The following APOO variants were observed in gnomAD, a reference collection of about 807,000 sequenced individuals.
The protein encoded by APOO is MICOS complex subunit MIC26.
Under a neutral mutation model 23.1 loss-of-function variants are expected in APOO, and 11 were observed. The observed-to-expected ratio is 0.48, with a 90% CI of 0.30 to 0.79. APOO has a LOEUF of 0.79. Ranked by LOEUF, APOO falls within the 30% of genes least tolerant of loss-of-function variation. The pLI, the probability that APOO is intolerant of heterozygous loss-of-function variation, is 0.07. For synonymous variants in APOO, 59 were observed against 54.8 expected (o/e 1.08, Z -0.34); for missense variants, 160 against 142.7 (o/e 1.12, Z -0.62).
chrX:23,859,331 A>G (rs751968527), intron 5 of APOO, among the ~76,000 whole-genome samples: 5 of 111,657 alleles, frequency 4.5e-5, no homozygotes, highest in Non-Finnish European at 9.4e-5. Flanking sequence ...GAGCTTTTTC[A>G]TAATCACTAA....
intron 3 of APOO, among the ~76,000 whole-genome samples, chrX:23,876,996 G>A (rs1003256861): frequency 4.8e-4 from 54 of 111,990 alleles, no homozygotes; most frequent in African/African-American, 1.4e-3. Flanking sequence ...TTTAGTAGTA[G>A]TGGAAATAAA....
chrX:23,837,516 A>G (rs1040811090), intron 8 of APOO, among the ~76,000 whole-genome samples: 3 of 110,495 alleles, frequency 2.7e-5, no homozygotes, highest in African/African-American at 9.8e-5. Flanking sequence ...CAGTAAAAAG[A>G]AAGTTTTCTG....
intron 7 of APOO, among the ~76,000 whole-genome samples, chrX:23,855,911 T>G (rs984092888): frequency 4.5e-5 from 5 of 111,729 alleles, no homozygotes; most frequent in Non-Finnish European, 9.4e-5. Context: ...TCATGATAAG[T>G]GAAAAACCAA....
chrX:23,835,513 G>T (rs1923620190), intron 8 of APOO, among the ~76,000 whole-genome samples: 1 of 111,849 alleles, frequency 8.9e-6, no homozygotes, highest in Non-Finnish European at 1.9e-5. Context: ...GAATTTGATA[G>T]ATTTATTGCA....
chrX:23,884,594 T>C (rs1306010518), intron 1 of APOO, among the ~76,000 whole-genome samples: 1 of 111,743 alleles, frequency 8.9e-6, no homozygotes, highest in African/African-American at 3.2e-5. Context: ...CTAAAAAGGT[T>C]GAACTAATGG....
chrX:23,868,475 A>G (rs1175001666), intron 5 of APOO, 118 bp downstream of exon 5: 4 of 491,443 alleles, frequency 8.1e-6, no homozygotes, highest in African/African-American at 7.2e-5. Flanking sequence ...ACATTAAGAA[A>G]GCCGTATTTA....
intron 4 of APOO, among the ~76,000 whole-genome samples, chrX:23,873,450 T>C (rs1925709204): frequency 9.1e-6 from 1 of 110,214 alleles, no homozygotes; most frequent in South Asian, 3.8e-4. Flanking sequence ...CTACTAAAAA[T>C]ACAAAAACTA....
intron 1 of APOO, among the ~76,000 whole-genome samples, chrX:23,900,012 G>A (rs767546756): frequency 2.7e-4 from 30 of 112,006 alleles, no homozygotes; most frequent in Admixed American, 6.7e-4. Flanking sequence ...TTAATGTATC[G>A]TTTTACTTCT....
chrX:23,867,109 T>TAAACGAAACG (rs57271337), intron 5 of APOO, among the ~76,000 whole-genome samples: 4 of 104,316 alleles, frequency 3.8e-5, no homozygotes, highest in Non-Finnish European at 7.8e-5. Flanking sequence ...CAAATTAAGC[T>TAAACGAAACG]AAACGAAACG....
intron 1 of APOO, among the ~76,000 whole-genome samples, chrX:23,889,282 A>AC (rs1384833356): frequency 8.9e-6 from 1 of 112,116 alleles, no homozygotes; most frequent in Non-Finnish European, 1.9e-5. Context: ...CCAGAAGGCT[A>AC]AACTGTTCTT....
intron 3 of APOO, among the ~76,000 whole-genome samples, chrX:23,876,112 A>G (rs1925833436): frequency 9.1e-6 from 1 of 110,060 alleles, no homozygotes; most frequent in Admixed American, 9.8e-5. Context: ...AAATACAAAA[A>G]AATTAGCCGG....
chrX:23,836,552 A>T (rs1259717611), intron 8 of APOO, among the ~76,000 whole-genome samples: 1 of 109,770 alleles, frequency 9.1e-6, no homozygotes, highest in Non-Finnish European at 1.9e-5. Flanking sequence ...TAACCTCATG[A>T]TCCGCCCACC....
intron 1 of APOO, among the ~76,000 whole-genome samples, chrX:23,902,116 T>C (rs375937568): frequency 6.3e-5 from 7 of 111,550 alleles, no homozygotes; most frequent in African/African-American, 2.3e-4. Context: ...CCCCTAGAGA[T>C]TCTTGATGTC....
At chrX:23,847,796 C>A (rs1243988283) in intron 7 of APOO, among the ~76,000 whole-genome samples, 4 of 101,342 alleles carry the variant, frequency 3.9e-5, no homozygotes, top group Non-Finnish European at 8.0e-5. Context: ...TTGTGCCCAG[C>A]CTATAATTAT....
chrX:23,847,357 C>T (rs1011595532), intron 7 of APOO, among the ~76,000 whole-genome samples: 1 of 111,214 alleles, frequency 9.0e-6, no homozygotes, highest in Non-Finnish European at 1.9e-5. Context: ...CCAGGCGCAG[C>T]GGCTCACACC....
At chrX:23,866,248 T>C (rs1296303927) in intron 5 of APOO, among the ~76,000 whole-genome samples, 2 of 112,024 alleles carry the variant, frequency 1.8e-5, no homozygotes, top group African/African-American at 6.5e-5. Flanking sequence ...TCTCAAACGC[T>C]ATCTAAATAA....
chrX:23,890,495 C>T (rs1387234368), intron 1 of APOO, among the ~76,000 whole-genome samples: 3 of 112,323 alleles, frequency 2.7e-5, no homozygotes, highest in African/African-American at 6.5e-5. Context: ...GTTTACTTTC[C>T]TATATGTATG....
chrX:23,876,561 G>A lies in APOO; in HGVS notation c.238-2104C>T, dbSNP rs1293115041. On this transcript the variant is annotated intron_variant, in intron 3 of 8. Coordinates refer to ENST00000379226, the MANE Select transcript of APOO (RefSeq NM_024122.5). Reference sequence around the variant, plus strand: ...CATGCCTGTAATCCCAGCACCTTGGGAGGCCGAGGTGGACGGATCACAAGG... The same window carrying A: ...CATGCCTGTAATCCCAGCACCTTGGAAGGCCGAGGTGGACGGATCACAAGG... Among the ~76,000 whole-genome samples, 25 of 110,782 alleles carry A rather than the reference G, an allele frequency of 2.3e-4. No homozygotes were observed. In the Admixed American group the frequency reaches 2.4e-3, roughly 11 times the overall value.
At chrX:23,834,532 G>A (rs996170270) in intron 8 of APOO, among the ~76,000 whole-genome samples, 8 of 110,172 alleles carry the variant, frequency 7.3e-5, no homozygotes, top group Non-Finnish European at 1.5e-4. Context: ...ATGCCTAAAT[G>A]GCACAGTACA....
Sources: gnomAD v4.1 joint callset for allele counts (sites outside exome capture counted in the v4.1 genomes callset) on GRCh38, gnomAD v4.1.1 for gene constraint, MANE v1.5 for transcripts, NCBI Gene and HGNC (gene_info 2026-07-23, HGNC 2026-07-21) for gene names.